Variants in LRMDA observed in about 807,000 individuals in gnomAD.
The protein encoded by LRMDA is leucine rich melanocyte differentiation associated.
Under a neutral mutation model 29.8 loss-of-function variants are expected in LRMDA, and 18 were observed. That is an observed-to-expected ratio of 0.60 (90% CI 0.42 to 0.90). The LOEUF (loss-of-function observed/expected upper bound fraction) is 0.90. LRMDA is among the 40% of genes least tolerant of loss of function. The pLI, the probability that LRMDA is intolerant of heterozygous loss-of-function variation, is 0.00. For synonymous variants in LRMDA, 125 were observed against 109.4 expected (o/e 1.14, Z -0.89); for missense variants, 273 against 273.9 (o/e 1.00, Z 0.02).
At chr10:76,369,139 C>T (rs1841425003) in intron 6 of LRMDA, among the ~76,000 whole-genome samples, 1 of 152,160 alleles carries the variant, frequency 6.6e-6, no homozygotes, top group African/African-American at 2.4e-5. Flanking sequence ...TTGCTTTTAT[C>T]ATGCTCTTTG....
chr10:75,750,317 C>G (rs374459482), intron 2 of LRMDA, among the ~76,000 whole-genome samples: 1 of 151,760 alleles, frequency 6.6e-6, no homozygotes, highest in African/African-American at 2.4e-5. Flanking sequence ...ACCTCCCTCC[C>G]GGACGGGGCA....
rs1370964797 is a variant in LRMDA, at chr10:76,306,812, C to T, written c.517-17589C>T. The stretch of plus-strand genomic sequence containing the variant: ...CTCTTTTGTACTGGTCACATATTCT[C>T]TTGTGGTATTATCTGTTTAATGTGT... On this transcript the variant is annotated intron_variant, in intron 5 of 6. Transcript: ENST00000611255. Among the ~76,000 whole-genome samples, 8 of 152,202 alleles carry T rather than the reference C, an allele frequency of 5.3e-5. No individual in the cohort carries two copies. The East Asian group carries it at 1.5e-3, about 29-fold the overall frequency.
intron 2 of LRMDA, among the ~76,000 whole-genome samples, chr10:75,982,205 T>A (rs554886959): frequency 6.6e-6 from 1 of 152,200 alleles, no homozygotes; most frequent in Admixed American, 6.5e-5. Flanking sequence ...CCTTTGGGGG[T>A]GAACCAGAAT....
intron 2 of LRMDA, among the ~76,000 whole-genome samples, chr10:75,838,565 G>T (rs1844482121): frequency 6.6e-6 from 1 of 152,088 alleles, no homozygotes. Flanking sequence ...TTTTTTCAGG[G>T]ATGAAAAAGT....
At chr10:75,607,054 T>C (rs1482816460) in intron 2 of LRMDA, among the ~76,000 whole-genome samples, 1 of 152,234 alleles carries the variant, frequency 6.6e-6, no homozygotes, top group East Asian at 1.9e-4. Flanking sequence ...ATTGATTTTG[T>C]AGCTTCCAAA....
At chr10:75,966,301 G>C (rs1271015388) in intron 2 of LRMDA, among the ~76,000 whole-genome samples, 1 of 152,166 alleles carries the variant, frequency 6.6e-6, no homozygotes, top group African/African-American at 2.4e-5. Context: ...CCTTAGGCAG[G>C]TTTCTTCATG....
chr10:76,544,284 TC>T (rs992072486), intron 6 of LRMDA, among the ~76,000 whole-genome samples: 1 of 152,154 alleles, frequency 6.6e-6, no homozygotes, highest in Non-Finnish European at 1.5e-5. Context: ...GGCAATTTTT[TC>T]CCCCCAATAT....
At chr10:76,051,135 C>T (rs957802643) in intron 4 of LRMDA, among the ~76,000 whole-genome samples, 6 of 152,194 alleles carry the variant, frequency 3.9e-5, no homozygotes, top group African/African-American at 9.6e-5. Flanking sequence ...GACCCTCCGC[C>T]GTCTGGTCGC....
chr10:75,831,240 G>A (rs1382656799), intron 2 of LRMDA, among the ~76,000 whole-genome samples: 1 of 152,066 alleles, frequency 6.6e-6, no homozygotes, highest in Non-Finnish European at 1.5e-5. Context: ...GTAGAGACGA[G>A]GTTTTACTGC....
Position 76,438,015 on chromosome 10 carries a change from A to G in LRMDA, c.601+113530A>G, listed in dbSNP as rs554707390. 2.6e-5 allele frequency among the ~76,000 whole-genome samples: 4 copies of G among 152,312 alleles called. No individual in the cohort carries two copies. The East Asian group carries it at 7.7e-4, about 29-fold the overall frequency. On this transcript the variant is annotated intron_variant, in intron 6 of 6. Transcript: ENST00000611255. ...AGTCAGCGGCAACTCTCTGTTATTG[A>G]TGGGGCTTCACTTACCCTTAGTGTG...
At chr10:76,351,854 G>T (rs571715145) in intron 6 of LRMDA, among the ~76,000 whole-genome samples, 1 of 152,104 alleles carries the variant, frequency 6.6e-6, no homozygotes, top group Admixed American at 6.6e-5. Context: ...AGGAGCAGGC[G>T]CTATGTAAGA....
At chr10:75,449,032 A>T (rs1446537188) in intron 2 of LRMDA, among the ~76,000 whole-genome samples, 1 of 152,056 alleles carries the variant, frequency 6.6e-6, no homozygotes, top group Non-Finnish European at 1.5e-5. Flanking sequence ...TGCGCCTGTA[A>T]TCCAAGCTAC....
intron 5 of LRMDA, among the ~76,000 whole-genome samples, chr10:76,075,861 T>A (rs1480721603): frequency 6.6e-6 from 1 of 152,228 alleles, no homozygotes; most frequent in Non-Finnish European, 1.5e-5. Context: ...GGGTTCAACC[T>A]GGATTCAAAT....
At chr10:75,498,257 A>G (rs1589161197) in intron 2 of LRMDA, among the ~76,000 whole-genome samples, 1 of 152,214 alleles carries the variant, frequency 6.6e-6, no homozygotes, top group Non-Finnish European at 1.5e-5. Context: ...TTATGGGGCT[A>G]TAAAACTTTC....
chr10:75,687,929 C>T (rs1221903720), intron 2 of LRMDA, among the ~76,000 whole-genome samples: 1 of 152,078 alleles, frequency 6.6e-6, no homozygotes, highest in African/African-American at 2.4e-5. Flanking sequence ...GATTAGAGCA[C>T]ATCTGTTTAC....
At chr10:76,259,728 CAT>C (rs199818288) in intron 5 of LRMDA, among the ~76,000 whole-genome samples, 5 of 151,456 alleles carry the variant, frequency 3.3e-5, no homozygotes, top group South Asian at 2.1e-4. Flanking sequence ...ATATTTGTTA[CAT>C]ATATATATAT....
chr10:75,866,365 T>A (rs1214261308), intron 2 of LRMDA, among the ~76,000 whole-genome samples: 1 of 152,196 alleles, frequency 6.6e-6, no homozygotes, highest in Non-Finnish European at 1.5e-5. Flanking sequence ...GAATACACAC[T>A]CAGCCTGTAA....
At chr10:76,067,911 C>T (rs1848811023) in intron 5 of LRMDA, among the ~76,000 whole-genome samples, 1 of 152,202 alleles carries the variant, frequency 6.6e-6, no homozygotes, top group African/African-American at 2.4e-5. Context: ...CCTTCTGGGC[C>T]CATGGAAACA....
At chr10:75,940,786 G>A (rs1052655189) in intron 2 of LRMDA, among the ~76,000 whole-genome samples, 23 of 151,982 alleles carry the variant, frequency 1.5e-4, no homozygotes, top group East Asian at 3.9e-4. Flanking sequence ...GTGTGTGTGC[G>A]CGCGCGTGTG....
Sources: gnomAD v4.1 joint callset for allele counts (sites outside exome capture counted in the v4.1 genomes callset) on GRCh38, gnomAD v4.1.1 for gene constraint, MANE v1.5 for transcripts, NCBI Gene and HGNC (gene_info 2026-07-23, HGNC 2026-07-21) for gene names.